Variants in COL15A1 observed in about 807,000 individuals in gnomAD.
COL15A1 encodes the protein collagen alpha-1(XV) chain.
Under a neutral mutation model 165.9 loss-of-function variants are expected in COL15A1, and 111 were observed. The ratio of observed to expected loss-of-function variants is 0.67; its 90% CI spans 0.57 to 0.78. COL15A1 has a LOEUF of 0.78. Among genes scored for constraint, COL15A1 ranks in the 30% least tolerant of loss-of-function variants. The probability of loss-of-function intolerance (pLI) is 0.00; values close to 1 mark genes in which losing one functional copy is unlikely to be tolerated. For missense variants in COL15A1, 1,745 were observed against 1,789.7 expected, an observed-to-expected ratio of 0.98 and a Z score of 0.45; for synonymous variants, 659 against 674.8, an observed-to-expected ratio of 0.98 and a Z score of 0.36.
At chr9:99,004,102 G>A (rs1253288841) in intron 8 of COL15A1, among the ~76,000 whole-genome samples, 3 of 152,160 alleles carry the variant, frequency 2.0e-5, no homozygotes, top group Admixed American at 1.3e-4. Context: ...GCCAGGGGTC[G>A]GGGAGAAATG....
intron 2 of COL15A1, among the ~76,000 whole-genome samples, chr9:98,946,440 C>T (rs1837585088): frequency 6.6e-6 from 1 of 152,190 alleles, no homozygotes; most frequent in African/African-American, 2.4e-5. Context: ...ACAATTGTAA[C>T]ATGAGTCCAT....
intron 31 of COL15A1, among the ~76,000 whole-genome samples, 156 bp from the exon 32 acceptor site, chr9:99,054,420 C>T (rs983309090): frequency 6.6e-6 from 1 of 152,176 alleles, no homozygotes; most frequent in African/African-American, 2.4e-5. Context: ...CTACCTCTGC[C>T]CTCTTTATGA....
chr9:99,014,098 G>A (rs1838890922), intron 9 of COL15A1, among the ~76,000 whole-genome samples: 1 of 151,980 alleles, frequency 6.6e-6, no homozygotes, highest in African/African-American at 2.4e-5. Context: ...AAATCTGATG[G>A]GAGAAAGATC....
chr9:99,052,359 T>C, intron 30 of COL15A1, 29 bp from the exon 31 acceptor site: 1 of 1,589,956 alleles, frequency 6.3e-7, no homozygotes, highest in Non-Finnish European at 8.6e-7. Context: ...GAGCTTGCAG[T>C]GCCTAACCTG....
chr9:99,057,933 C>G (rs1396386363), intron 35 of COL15A1, among the ~76,000 whole-genome samples: 1 of 152,026 alleles, frequency 6.6e-6, no homozygotes, highest in Non-Finnish European at 1.5e-5. Flanking sequence ...AAACGTAACT[C>G]AAAGTAGCTC....
chr9:99,034,586 TAAAAAAAAAAA>T lies in COL15A1; in HGVS notation c.2079+20_2079+30del, dbSNP rs60290557. The stretch of plus-strand genomic sequence containing the variant: ...CCTAATGGCTCAGTTGGTGAAAAGG[TAAAAAAAAAAA>T]AAAAAAAAAAAAAAAAAGAACTTTC... On this transcript the variant is annotated splice_donor_5th_base_variant and intron_variant, in intron 17 of 41. Transcript: ENST00000375001. 542 of 1,074,728 alleles carry T rather than the reference TAAAAAAAAAAA, an allele frequency of 5.0e-4. 1 individual carries two copies. The African/African-American group carries it at 0.012, about 23-fold the overall frequency. The allele number at this position is 1,074,728 out of a possible 1,614,324, so 66.6% of individuals were successfully genotyped here. A position where few individuals can be genotyped will look rare whatever the true frequency, so the allele number is the denominator to read the frequency against.
In COL15A1 at chr9:99,070,411, A is replaced by G. The variant is rs1222627695; in HGVS notation, c.*525A>G. On this transcript the variant is annotated 3_prime_UTR_variant, in exon 42 of 42. Coordinates refer to ENST00000375001, the MANE Select transcript of COL15A1 (RefSeq NM_001855.5). ...GATCCTATTTGTATTTTCTGATGCTATCAGACTCTAATGTTTTTTTCCCTA... is the reference window on the plus strand; with the variant it reads ...GATCCTATTTGTATTTTCTGATGCTGTCAGACTCTAATGTTTTTTTCCCTA... 3.4e-6 allele frequency: 1 copy of G among 290,244 alleles called. No individual in the cohort carries two copies. Among genetic ancestry groups the G allele is most frequent in the Non-Finnish European group, 6.8e-6 (1 of 146,772 alleles). 18.0% of individuals were successfully genotyped at this position (290,244 alleles called of 1,614,324 possible). A position where few individuals can be genotyped will look rare whatever the true frequency, so the allele number is the denominator to read the frequency against.
chr9:99,025,989 C>T (rs755477981), intron 16 of COL15A1, 23 bp downstream of exon 16: 4 of 1,598,134 alleles, frequency 2.5e-6, no homozygotes, highest in Non-Finnish European at 3.4e-6. Context: ...CGGGAGGGTC[C>T]CACCACATGG....
chr9:99,048,827 G>A (rs1029835200), intron 28 of COL15A1, among the ~76,000 whole-genome samples: 3 of 151,634 alleles, frequency 2.0e-5, no homozygotes, highest in Admixed American at 1.3e-4. Flanking sequence ...TTTTACATAA[G>A]AGGATACCAG....
In COL15A1 at chr9:99,044,469, C is replaced by T. The variant is rs1014012939; in HGVS notation, c.2575-99C>T. 37 of 1,063,810 alleles carry T rather than the reference C, an allele frequency of 3.5e-5. No individual in the cohort carries two copies. The African/African-American group carries it at 5.1e-4, about 15-fold the overall frequency. 65.9% of individuals were successfully genotyped at this position (1,063,810 alleles called of 1,614,324 possible). Reference sequence around the variant, plus strand: ...AATCATGGCTGCAGGACTCAGAGGTCTCTGTACAAGGTGGCAAGGAGGAGT... The same window carrying T: ...AATCATGGCTGCAGGACTCAGAGGTTTCTGTACAAGGTGGCAAGGAGGAGT... On this transcript the variant is annotated intron_variant, in intron 24 of 41. Transcript: ENST00000375001.
intron 40 of COL15A1, among the ~76,000 whole-genome samples, chr9:99,068,245 C>A (rs528642843): frequency 6.6e-6 from 1 of 151,986 alleles, no homozygotes; most frequent in Non-Finnish European, 1.5e-5. Flanking sequence ...GTGGGTGGAT[C>A]ACCTGAGGTC....
chr9:99,000,134 G>T (rs894491334), intron 6 of COL15A1, among the ~76,000 whole-genome samples: 1 of 152,188 alleles, frequency 6.6e-6, no homozygotes, highest in African/African-American at 2.4e-5. Context: ...GCCTCCCAAA[G>T]TGCTGGGATT....
In COL15A1 at chr9:99,051,495, CT is replaced by C. The variant is rs372406491; in HGVS notation, c.2905-891del. Among the ~76,000 whole-genome samples the C allele has an allele frequency of 3.0e-3, 460 of 152,304 alleles. 1 individual carries two copies. The highest frequency in any genetic ancestry group is 0.01 in the African/African-American group (416 of 41,546). On this transcript the variant is annotated intron_variant, in intron 30 of 41. Coordinates refer to ENST00000375001, the MANE Select transcript of COL15A1 (RefSeq NM_001855.5). Reference sequence around the variant, plus strand: ...CTTACAGCCAGCATCTCATGAGCCCCTTCTAGTTTCAGCTCCTTCCAACACC... The same window carrying C: ...CTTACAGCCAGCATCTCATGAGCCCCTCTAGTTTCAGCTCCTTCCAACACC...
At chr9:98,946,082 T>A (rs1223351621) in intron 2 of COL15A1, among the ~76,000 whole-genome samples, 1 of 152,236 alleles carries the variant, frequency 6.6e-6, no homozygotes, top group African/African-American at 2.4e-5. Flanking sequence ...AAATGTAAAC[T>A]ATCCTCCTGC....
intron 2 of COL15A1, among the ~76,000 whole-genome samples, chr9:98,981,918 G>A (rs552566193): frequency 3.4e-4 from 52 of 151,736 alleles, no homozygotes; most frequent in South Asian, 6.3e-4. Flanking sequence ...GATCCTCCTG[G>A]CCCAACTTCC....
intron 7 of COL15A1, among the ~76,000 whole-genome samples, chr9:99,001,538 T>G (rs755754191): frequency 1.3e-5 from 2 of 152,190 alleles, no homozygotes; most frequent in African/African-American, 2.4e-5. Context: ...TTCACAGATA[T>G]TTAAAAGTCA....
In COL15A1 at chr9:99,066,977, C is replaced by T; in HGVS notation, c.3747C>T (p.Thr1249=). ...CCAGAGCTGCAGGACTGTTGTCCAC[C>T]TACCGAGCATTCTTATCTTCCCATT... ...KQARAAGLLS[T]YRAFLSSHLQ... is the part of the protein sequence containing the mutation. The change falls in exon 40 of 42, where the codon ACC becomes ACT. Residue 1249 remains threonine, a synonymous_variant. Transcript: ENST00000375001. The T allele has an allele frequency of 6.2e-7, 1 of 1,614,190 alleles. No individual in the cohort carries two copies. Among genetic ancestry groups the T allele is most frequent in the Non-Finnish European group, 8.5e-7 (1 of 1,180,022 alleles).
At position 99,050,609 on chromosome 9, in the gene COL15A1, C is replaced by T. The variant is rs112069259; in HGVS notation, c.2904+714C>T. 2.0e-3 allele frequency among the ~76,000 whole-genome samples: 311 copies of T among 152,342 alleles called. 3 individuals carry two copies. The highest frequency in any genetic ancestry group is 7.2e-3 in the African/African-American group (299 of 41,576). On this transcript the variant is annotated intron_variant, in intron 30 of 41. Coordinates refer to ENST00000375001, the MANE Select transcript of COL15A1 (RefSeq NM_001855.5). The stretch of plus-strand genomic sequence containing the variant: ...GGGGAGGGTGGGCCTTGTGTACAGG[C>T]CTTAGTCACAGAACCATGCATAATC...
intron 41 of COL15A1, among the ~76,000 whole-genome samples, chr9:99,069,211 G>A (rs10988695): frequency 3.3e-3 from 498 of 152,026 alleles, no homozygotes; most frequent in African/African-American, 0.011. Flanking sequence ...AGTCTACAGA[G>A]GAAATAGACA....
Sources: gnomAD v4.1 joint callset for allele counts (sites outside exome capture counted in the v4.1 genomes callset) on GRCh38, gnomAD v4.1.1 for gene constraint, MANE v1.5 for transcripts, NCBI Gene and HGNC (gene_info 2026-07-23, HGNC 2026-07-21) for gene names.